The following TRIM26 variants were observed in gnomAD, a reference collection of about 807,000 sequenced individuals.
TRIM26 encodes tripartite motif-containing protein 26.
TRIM26 carries 16 observed loss-of-function variants against 45.5 expected under a neutral mutation model. The ratio of observed to expected loss-of-function variants is 0.35; its 90% confidence interval spans 0.24 to 0.53. TRIM26 has a LOEUF of 0.53. Among genes scored for constraint, TRIM26 ranks in the 20% least tolerant of loss-of-function variants. TRIM26 has a pLI of 0.92. For synonymous variants in TRIM26, 273 were observed against 290.4 expected, an observed-to-expected ratio of 0.94 and a Z score of 0.61; for missense variants, 442 against 691.1, an observed-to-expected ratio of 0.64 and a Z score of 4.04.
chr6:30,191,578 G>A (rs549969529), intron 6 of TRIM26, among the ~76,000 whole-genome samples: 1 of 152,240 alleles, frequency 6.6e-6, no homozygotes, highest in South Asian at 2.1e-4. Context: ...GGGGCCGGTG[G>A]GGTGCAGGCT....
rs776328025 is a variant in TRIM26, at chr6:30,196,518, G to C, written c.763C>G (p.Gln255Glu). The change falls in exon 6 of 10, where the codon CAG (glutamine) becomes GAG (glutamate). Residue 255 changes from glutamine to glutamate, a missense_variant and splice_region_variant. By Grantham distance (29) the Gln-to-Glu change is conservative. Coordinates refer to ENST00000454678, the MANE Select transcript of TRIM26 (RefSeq NM_003449.5). The surrounding 1 kb of genome is among the most constrained non-coding windows in gnomAD (Gnocchi z 4.9). ...CCTGCCCAGGGACGGCCTCTCACCT[G>C]CATGAGCTCTGCAGCTGGCTGCTGC... ...KAQQPAAELMQDTRDFLNRYP... is the reference protein window; with the variant it reads ...KAQQPAAELMEDTRDFLNRYP... 3.1e-6 allele frequency: 5 copies of C among 1,606,952 alleles called. No individual in the cohort carries two copies. In the South Asian group the frequency reaches 3.3e-5, roughly 11 times the overall value.
At chr6:30,195,072 G>A (rs193140072) in intron 6 of TRIM26, among the ~76,000 whole-genome samples, 4 of 152,060 alleles carry the variant, frequency 2.6e-5, no homozygotes, top group African/African-American at 4.8e-5. Flanking sequence ...CCCACCCCAG[G>A]GAGAGCTGCA....
At chr6:30,188,240 A>G (rs1775428863) in intron 9 of TRIM26, 1 of 258,016 alleles carries the variant, frequency 3.9e-6, no homozygotes, top group Non-Finnish European at 7.7e-6. Flanking sequence ...AAAAAAAAAA[A>G]AAGAAATTTG....
chr6:30,193,225 A>G (rs1776129549), intron 6 of TRIM26, among the ~76,000 whole-genome samples: 1 of 130,444 alleles, frequency 7.7e-6, no homozygotes, highest in African/African-American at 3.0e-5. Context: ...TCTATTGCCC[A>G]GGCTGGAATG....
chr6:30,191,514 C>A (rs897176228), intron 6 of TRIM26, among the ~76,000 whole-genome samples: 2 of 145,418 alleles, frequency 1.4e-5, no homozygotes, highest in African/African-American at 4.9e-5. Flanking sequence ...CATCATACTA[C>A]GTGAGTGATA....
rs1775600858 is a variant in TRIM26, at chr6:30,189,594, A to C, written c.789-61T>G. The C allele has an allele frequency of 1.5e-6, 2 of 1,352,984 alleles. No homozygotes were observed. Among genetic ancestry groups the C allele is most frequent in the Non-Finnish European group, 2.1e-6 (2 of 947,578 alleles). The allele number at this position is 1,352,984 out of a possible 1,614,324, so 83.8% of individuals were successfully genotyped here. On this transcript the variant is annotated intron_variant, in intron 7 of 9. Transcript: ENST00000454678. The surrounding 1 kb of genome is among the most constrained non-coding windows in gnomAD (Gnocchi z 5.0). ...GCTCTTCTTACTTTCCTTCATACTT[A>C]TCTCTCAATCCTCATGGCAATTATG...
At position 30,207,234 on chromosome 6, in the gene TRIM26, T is replaced by C. The variant is rs536942364; in HGVS notation, c.-375-2469A>G. ...TTATCCTAACAGCCCTGGGAAGCCA[T>C]TGAGGGTTTAAGCAGCAGGATGTTG... On this transcript the variant is annotated intron_variant, in intron 1 of 9. Coordinates refer to ENST00000454678, the MANE Select transcript of TRIM26 (RefSeq NM_003449.5). The surrounding 1 kb of genome is among the most constrained non-coding windows in gnomAD (Gnocchi z 4.9). Among the ~76,000 whole-genome samples the C allele has an allele frequency of 2.0e-5, 3 of 152,238 alleles. No individual in the cohort carries two copies. Among genetic ancestry groups the C allele is most frequent in the Admixed American group, 1.3e-4 (2 of 15,304 alleles).
rs1775679504 is a variant in TRIM26, at chr6:30,190,197, A to G, written c.766-162T>C. On this transcript the variant is annotated intron_variant, in intron 6 of 9. Transcript: ENST00000454678. This position sits in a 1 kb window ranked among gnomAD's most constrained non-coding sequence, Gnocchi z 4.3. ...TTCCAGTGGGGTCACTGCATAAAAC[A>G]ACAAGAAAACAAACAAAATCGGCAC... is the stretch of plus-strand genomic sequence containing the variant. The G allele has an allele frequency of 1.4e-6, 1 of 723,076 alleles. No individual in the cohort carries two copies. The highest frequency in any genetic ancestry group is 2.6e-5 in the Admixed American group (1 of 38,296). 44.8% of individuals were successfully genotyped at this position (723,076 alleles called of 1,614,324 possible). A position where few individuals can be genotyped will look rare whatever the true frequency, so the allele number is the denominator to read the frequency against.
At chr6:30,200,572 T>C (rs1777062284) in intron 3 of TRIM26, among the ~76,000 whole-genome samples, 1 of 152,230 alleles carries the variant, frequency 6.6e-6, no homozygotes, top group Non-Finnish European at 1.5e-5. Context: ...GTGGCTGCTA[T>C]GTGCTGTGAG....
chr6:30,199,153 C>A lies in TRIM26; in HGVS notation c.-50G>T. 2.0e-6 allele frequency: 3 copies of A among 1,507,500 alleles called. No individual in the cohort carries two copies. Among genetic ancestry groups the A allele is most frequent in the Non-Finnish European group, 2.7e-6 (3 of 1,125,478 alleles). 93.4% of individuals were successfully genotyped at this position (1,507,500 alleles called of 1,614,324 possible). A position where few individuals can be genotyped will look rare whatever the true frequency, so the allele number is the denominator to read the frequency against. On this transcript the variant is annotated 5_prime_UTR_variant, in exon 4 of 10. Transcript: ENST00000454678. ...CCGTTCACTGGTGAGGACTTCTTCT[C>A]CTTGGAGACGCGACATAGAGTCAGG... is the stretch of plus-strand genomic sequence containing the variant.
At chr6:30,213,082 A>C (rs1778455135) in intron 1 of TRIM26, among the ~76,000 whole-genome samples, 1 of 152,160 alleles carries the variant, frequency 6.6e-6, no homozygotes, top group Admixed American at 6.5e-5. Flanking sequence ...AGGATACCAG[A>C]AAGCGAGAAA....
chr6:30,199,925 T>C (rs1233863591), intron 3 of TRIM26, among the ~76,000 whole-genome samples: 2 of 152,056 alleles, frequency 1.3e-5, no homozygotes, highest in South Asian at 2.1e-4. Flanking sequence ...CGTGAGCCAC[T>C]GCACCTGGCC....
In TRIM26 at chr6:30,191,024, C is replaced by T. The variant is rs370201718; in HGVS notation, c.766-989G>A. On this transcript the variant is annotated intron_variant, in intron 6 of 9. Transcript: ENST00000454678. ...CAAGAGGAACATGGGGAGGTTGGTC[C>T]GGAGGCTTTTGCCGTGGACCAGGGG... 4.1e-4 allele frequency among the ~76,000 whole-genome samples: 63 copies of T among 152,058 alleles called. No homozygotes were observed. In the South Asian group the frequency reaches 9.8e-3, roughly 24 times the overall value.
At chr6:30,188,379 C>A in intron 9 of TRIM26, 1 of 414,522 alleles carries the variant, frequency 2.4e-6, no homozygotes. Context: ...TAAGATGGTT[C>A]AAGAAACCCT....
At position 30,198,568 on chromosome 6, in the gene TRIM26, G is replaced by A. The variant is rs1233119128; in HGVS notation, c.439-44C>T. 1 of 1,611,912 alleles carries A rather than the reference G, an allele frequency of 6.2e-7. No homozygotes were observed. The highest frequency in any genetic ancestry group is 1.3e-5 in the African/African-American group (1 of 74,908). ...TGGCAACAGGTGGATGCTCTGGGCT[G>A]GGGCAGGAAGGGAGACTCAGGCTGA... On this transcript the variant is annotated intron_variant, in intron 4 of 9. Transcript: ENST00000454678. The surrounding 1 kb of genome is among the most constrained non-coding windows in gnomAD (Gnocchi z 6.3).
chr6:30,210,002 C>T (rs1342494557), intron 1 of TRIM26, among the ~76,000 whole-genome samples: 1 of 151,896 alleles, frequency 6.6e-6, no homozygotes, highest in Non-Finnish European at 1.5e-5. Context: ...GTCAAGAGAT[C>T]GAGACCATCC....
In TRIM26 at chr6:30,189,962, G is replaced by A; in HGVS notation, c.788+51C>T. On this transcript the variant is annotated intron_variant, in intron 7 of 9. Transcript: ENST00000454678. The surrounding 1 kb of genome is among the most constrained non-coding windows in gnomAD (Gnocchi z 5.0). ...TCAAATGCACCTGGTCAGAAGCGGG[G>A]GAACATAAACAAGGGGGATGAGGTA... 5.0e-6 allele frequency: 8 copies of A among 1,609,260 alleles called. No homozygotes were observed. The highest frequency in any genetic ancestry group is 5.9e-6 in the Non-Finnish European group (7 of 1,176,684).
intron 6 of TRIM26, among the ~76,000 whole-genome samples, chr6:30,193,125 TATATAC>T (rs1344827437): frequency 0.043 from 3,120 of 73,312 alleles, 62 homozygotes; most frequent in Non-Finnish European, 0.059. Context: ...TGTGTATATA[TATATAC>T]ATATATGTGT....
intron 3 of TRIM26, among the ~76,000 whole-genome samples, chr6:30,199,574 G>A (rs1466597418): frequency 6.6e-6 from 1 of 151,518 alleles, no homozygotes; most frequent in African/African-American, 2.4e-5. Flanking sequence ...ACTGTGCAAA[G>A]CACAAGACAC....
Sources: gnomAD v4.1 joint callset for allele counts (sites outside exome capture counted in the v4.1 genomes callset) on GRCh38, gnomAD v4.1.1 for gene constraint, Gnocchi (gnomAD v3.1) non-coding constraint, MANE v1.5 for transcripts, NCBI Gene and HGNC (gene_info 2026-07-23, HGNC 2026-07-21) for gene names.